EPN3: variants seen among roughly 807,000 people sequenced by gnomAD.
EPN3 encodes epsin 3.
Under a neutral mutation model 55.5 loss-of-function variants are expected in EPN3, and 56 were observed. The ratio of observed to expected loss-of-function variants is 1.01; its 90% CI spans 0.81 to 1.26. The LOEUF is 1.26. EPN3 is among the 50% of genes most tolerant of loss of function. The probability of loss-of-function intolerance (pLI) is 0.00; values close to 1 mark genes in which losing one functional copy is unlikely to be tolerated. For synonymous variants in EPN3, 449 were observed against 375.2 expected (o/e 1.20, Z -2.27); for missense variants, 927 against 853.4 (o/e 1.09, Z -1.07).
intron 2 of EPN3, chr17:50,537,579 T>C (rs995708578): frequency 2.5e-5 from 5 of 196,258 alleles, no homozygotes; most frequent in Non-Finnish European, 4.2e-5. Context: ...TTCATCCCCC[T>C]ACCTGAGGGC....
rs1343750382 is a variant in EPN3 at position 50,540,946 on chromosome 17, T to A, written c.1133T>A (p.Val378Glu). 2 of 1,613,638 alleles carry A rather than the reference T, an allele frequency of 1.2e-6. No individual in the cohort carries two copies. The highest frequency in any genetic ancestry group is 1.7e-6 in the Non-Finnish European group (2 of 1,179,942). Residue 378 changes from valine to glutamate, a missense_variant, in exon 7 of 10, where the codon GTG becomes GAG. Transcript: ENST00000268933. ...TCTGAGCCCTGGGGCAGGACCCCAGTGCTGCCTGCTGGGCCCCCCACCACA... is the reference window on the plus strand; with the variant it reads ...TCTGAGCCCTGGGGCAGGACCCCAGAGCTGCCTGCTGGGCCCCCCACCACA... ...SSSEPWGRTP[V>E]LPAGPPTTDP...
rs1352175271 is a variant in EPN3 at position 50,543,096 on chromosome 17, C to A, written c.*939C>A. 1 of 152,224 alleles carries A rather than the reference C, an allele frequency of 6.6e-6. No individual in the cohort carries two copies. The highest frequency in any genetic ancestry group is 1.5e-5 in the Non-Finnish European group (1 of 68,042). 9.4% of individuals were successfully genotyped at this position (152,224 alleles called of 1,614,324 possible). A position where few individuals can be genotyped will look rare whatever the true frequency, so the allele number is the denominator to read the frequency against. Reference sequence around the variant, plus strand: ...TGACTGCTGTGGACAAAGTGCTGGGCTCACCTTGGAGGGATCCAACCTCCA... The same window carrying A: ...TGACTGCTGTGGACAAAGTGCTGGGATCACCTTGGAGGGATCCAACCTCCA... On this transcript the variant is annotated 3_prime_UTR_variant, in exon 10 of 10. Coordinates refer to ENST00000268933, the MANE Select transcript of EPN3 (RefSeq NM_017957.3).
intron 4 of EPN3, 71 bp downstream of exon 4, chr17:50,539,035 A>G: frequency 6.5e-7 from 1 of 1,539,764 alleles, no homozygotes; most frequent in Middle Eastern, 2.3e-4. Flanking sequence ...GGGCACTAAC[A>G]GCCTCCTCCC....
In EPN3 at chr17:50,532,851, C is replaced by G; in HGVS notation, c.-271C>G. On this transcript the variant is annotated 5_prime_UTR_variant, in exon 1 of 10. Transcript: ENST00000268933. ...CTGCACCTCCTGGGAGCAGGTGGGTCTCTGGGACGAGGGTCCATGGTGGAT... is the reference window on the plus strand; with the variant it reads ...CTGCACCTCCTGGGAGCAGGTGGGTGTCTGGGACGAGGGTCCATGGTGGAT... 1 of 1,278,668 alleles carries G rather than the reference C, an allele frequency of 7.8e-7. No individual in the cohort carries two copies. Among genetic ancestry groups the G allele is most frequent in the Non-Finnish European group, 1.0e-6 (1 of 981,708 alleles). The allele number at this position is 1,278,668 out of a possible 1,614,324, so 79.2% of individuals were successfully genotyped here.
At position 50,539,254 on chromosome 17, in the gene EPN3, A is replaced by C; in HGVS notation, c.830A>C (p.Gln277Pro). 3 of 1,614,206 alleles carry C rather than the reference A, an allele frequency of 1.9e-6. No individual in the cohort carries two copies. Among genetic ancestry groups the C allele is most frequent in the Non-Finnish European group, 2.5e-6 (3 of 1,180,028 alleles). Residue 277 changes from glutamine to proline, a missense_variant, in exon 5 of 10, where the codon CAG (glutamine) becomes CCG (proline). Transcript: ENST00000268933. Reference protein sequence around the residue: ...ANGAGAVVHHQRDREPEREER... With the variant: ...ANGAGAVVHHPRDREPEREER... The stretch of plus-strand genomic sequence containing the variant: ...GGTGCAGGGGCCGTGGTCCACCATC[A>C]GCGGGACAGAGAGCCTGAGAGAGAA...
At position 50,538,885 on chromosome 17, in the gene EPN3, C is replaced by T. The variant is rs1358307917; in HGVS notation, c.683C>T (p.Pro228Leu). Residue 228 changes from proline (P) to leucine (L), a missense_variant and splice_region_variant, in exon 4 of 10, where the codon CCT becomes CTT. Physicochemically the swap from Pro to Leu is moderately conservative, Grantham distance 98. Transcript: ENST00000268933. The stretch of plus-strand genomic sequence containing the variant: ...GTTTACCCCTCTCTTCCTCCGCAGC[C>T]TGTCCCCCCAGCCTCCCACAGGGAC... ...LAMSREEAEKPVPPASHRDED... is the reference protein window; with the variant it reads ...LAMSREEAEKLVPPASHRDED... 1.3e-6 allele frequency: 2 copies of T among 1,599,756 alleles called. No individual in the cohort carries two copies. Among genetic ancestry groups the T allele is most frequent in the South Asian group, 1.1e-5 (1 of 89,846 alleles).
chr17:50,533,760 C>T (rs1393911234), intron 1 of EPN3, among the ~76,000 whole-genome samples: 1 of 152,024 alleles, frequency 6.6e-6, no homozygotes, highest in South Asian at 2.1e-4. Flanking sequence ...CCCATCCCAC[C>T]GCCTGCTGGC....
chr17:50,541,386 A>AGC, intron 8 of EPN3, 53 bp downstream of exon 8: 1 of 1,606,732 alleles, frequency 6.2e-7, no homozygotes, highest in East Asian at 2.2e-5. Context: ...GCCCACCCCG[A>AGC]GCAGCCTCTG....
In EPN3 at chr17:50,542,930, C is replaced by G. The variant is rs887207003; in HGVS notation, c.*773C>G. The G allele has an allele frequency of 6.6e-6, 1 of 152,320 alleles. No homozygotes were observed. Among genetic ancestry groups the G allele is most frequent in the East Asian group, 1.9e-4 (1 of 5,180 alleles). 9.4% of individuals were successfully genotyped at this position (152,320 alleles called of 1,614,324 possible). On this transcript the variant is annotated 3_prime_UTR_variant, in exon 10 of 10. Transcript: ENST00000268933. ...ACTCCCATTTTTCAGGCAAGGAAACCGTGGCTCAGAGAGGTTGAATGGCAT... is the reference window on the plus strand; with the variant it reads ...ACTCCCATTTTTCAGGCAAGGAAACGGTGGCTCAGAGAGGTTGAATGGCAT...
At chr17:50,541,775 C>A in intron 9 of EPN3, 69 bp from the exon 10 acceptor site, 1 of 1,608,836 alleles carries the variant, frequency 6.2e-7, no homozygotes. Context: ...ACTCTTCTTC[C>A]CAACTTCCAC....
Position 50,537,022 on chromosome 17 carries a change from C to G in EPN3, c.466C>G (p.Leu156Val). Residue 156 changes from leucine to valine, a missense_variant, in exon 2 of 10, where the codon CTG becomes GTG. Coordinates refer to ENST00000268933, the MANE Select transcript of EPN3 (RefSeq NM_017957.3). ...HALKTKERMA[L>V]EGIGIGSGQL... The stretch of plus-strand genomic sequence containing the variant: ...CCTCAAGACCAAGGAGCGCATGGCA[C>G]TGGAGGGCATCGGCATTGGCAGTGG... The G allele has an allele frequency of 6.2e-7, 1 of 1,613,312 alleles. No homozygotes were observed. Among genetic ancestry groups the G allele is most frequent in the South Asian group, 1.1e-5 (1 of 91,074 alleles).
At chr17:50,533,390 C>T (rs2034705700) in intron 1 of EPN3, among the ~76,000 whole-genome samples, 1 of 152,150 alleles carries the variant, frequency 6.6e-6, no homozygotes, top group African/African-American at 2.4e-5. Flanking sequence ...TCAAGCTCAC[C>T]CCCTGTCCCT....
At position 50,541,838 on chromosome 17, in the gene EPN3, C is replaced by T. The variant is rs770146598; in HGVS notation, c.1586-6C>T. On this transcript the variant is annotated splice_region_variant and splice_polypyrimidine_tract_variant and intron_variant, in intron 9 of 9. Coordinates refer to ENST00000268933, the MANE Select transcript of EPN3 (RefSeq NM_017957.3). ...CGGGTCACTCAAAGCCACTCTCGTT[C>T]TGCAGGTCTCAGCGCTCCGTCCCCC... The T allele has an allele frequency of 1.2e-6, 2 of 1,610,890 alleles. No individual in the cohort carries two copies. Among genetic ancestry groups the T allele is most frequent in the South Asian group, 2.2e-5 (2 of 91,082 alleles).
In EPN3 at chr17:50,538,062, C is replaced by T; in HGVS notation, c.563-17C>T. 1 of 1,597,192 alleles carries T rather than the reference C, an allele frequency of 6.3e-7. No homozygotes were observed. Among genetic ancestry groups the T allele is most frequent in the Middle Eastern group, 1.7e-4 (1 of 6,032 alleles). On this transcript the variant is annotated splice_polypyrimidine_tract_variant and intron_variant, in intron 2 of 9. Coordinates refer to ENST00000268933, the MANE Select transcript of EPN3 (RefSeq NM_017957.3). ...ATGGGTAATCGTGTGGTCACAGAGA[C>T]ATGATGGTCATTGCAGCCTCCTCTT...
chr17:50,541,512 C>G lies in EPN3; in HGVS notation c.1403C>G (p.Thr468Arg), dbSNP rs2034848383. 1.1e-5 allele frequency: 18 copies of G among 1,614,142 alleles called. No homozygotes were observed. The highest frequency in any genetic ancestry group is 1.5e-5 in the Non-Finnish European group (18 of 1,180,028). The change falls in exon 9 of 10, where the codon ACG becomes AGG. Residue 468 changes from threonine (T) to arginine (R), a missense_variant. Thr to Arg is a moderately conservative substitution (Grantham distance 71). Transcript: ENST00000268933. ...AGCCCCAGTTCCAAGCAAAATGGCACGAAGGAGCCAGATGCCCTGGACCTG... is the reference window on the plus strand; with the variant it reads ...AGCCCCAGTTCCAAGCAAAATGGCAGGAAGGAGCCAGATGCCCTGGACCTG... The part of the protein sequence containing the change: ...DPSPSSKQNG[T>R]KEPDALDLGI...
Position 50,540,872 on chromosome 17 carries a change from C to T in EPN3, c.1059C>T (p.Thr353=), listed in dbSNP as rs764455647. Residue 353 remains threonine (T), a synonymous_variant, in exon 7 of 10, where the codon ACC becomes ACT. Coordinates refer to ENST00000268933, the MANE Select transcript of EPN3 (RefSeq NM_017957.3). Reference sequence around the variant, plus strand: ...CCTGGTCTCCGATCCCCTCAGGAACCGTCCTGTCCCGAAGCCAGCCCTGGG... The same window carrying T: ...CCTGGTCTCCGATCCCCTCAGGAACTGTCCTGTCCCGAAGCCAGCCCTGGG... ...ADPWSPIPSG[T]VLSRSQPWDL... is the part of the protein sequence containing the mutation. 32 of 1,614,076 alleles carry T rather than the reference C, an allele frequency of 2.0e-5. No homozygotes were observed. The highest frequency in any genetic ancestry group is 1.6e-4 in the Middle Eastern group (1 of 6,084).
In EPN3 at chr17:50,543,665, C is replaced by G. The variant is rs1363168260; in HGVS notation, c.*1508C>G. On this transcript the variant is annotated 3_prime_UTR_variant, in exon 10 of 10. Coordinates refer to ENST00000268933, the MANE Select transcript of EPN3 (RefSeq NM_017957.3). ...AGTCAGACTTACAGGGTTCAAAGTTCTGCTCCAAGGTTTGACCCTAACAAG... is the reference window on the plus strand; with the variant it reads ...AGTCAGACTTACAGGGTTCAAAGTTGTGCTCCAAGGTTTGACCCTAACAAG... 1 of 152,248 alleles carries G rather than the reference C, an allele frequency of 6.6e-6. No individual in the cohort carries two copies. Among genetic ancestry groups the G allele is most frequent in the African/African-American group, 2.4e-5 (1 of 41,460 alleles). 9.4% of individuals were successfully genotyped at this position (152,248 alleles called of 1,614,324 possible).
At chr17:50,540,693 T>G in intron 6 of EPN3, 100 bp from the exon 7 acceptor site, 8 of 1,455,336 alleles carry the variant, frequency 5.5e-6, no homozygotes, top group Non-Finnish European at 7.4e-6. Flanking sequence ...ATCTGTGACA[T>G]GGATCTTCTG....
At chr17:50,533,083 A>G in intron 1 of EPN3, 98 bp downstream of exon 1, 1 of 745,370 alleles carries the variant, frequency 1.3e-6, no homozygotes, top group Non-Finnish European at 1.9e-6. Context: ...TCTCTTTTCC[A>G]GGTGCGAGGG....
Sources: gnomAD v4.1 joint callset for allele counts (sites outside exome capture counted in the v4.1 genomes callset) on GRCh38, gnomAD v4.1.1 for gene constraint, MANE v1.5 for transcripts, NCBI Gene and HGNC (gene_info 2026-07-23, HGNC 2026-07-21) for gene names.